The following ZC3H12B variants were observed in gnomAD, a reference collection of about 807,000 sequenced individuals.
ZC3H12B encodes probable ribonuclease ZC3H12B.
A neutral mutation model predicts 43.9 loss-of-function variants in ZC3H12B; 7 were observed. The ratio of observed to expected loss-of-function variants is 0.16; its 90% CI spans 0.09 to 0.30. The LOEUF (loss-of-function observed/expected upper bound fraction) is 0.30. ZC3H12B is among the 10% of genes least tolerant of loss of function. The probability of loss-of-function intolerance (pLI) is 1.00; values close to 1 mark genes in which losing one functional copy is unlikely to be tolerated. For missense variants in ZC3H12B, 475 were observed against 670.2 expected (o/e 0.71, Z 3.22); for synonymous variants, 222 against 241.7 (o/e 0.92, Z 0.76).
At chrX:65,155,354 C>G in the ZC3H12B span, among the ~76,000 whole-genome samples, 1 of 110,698 alleles carries the variant, frequency 9.0e-6, no homozygotes, top group African/African-American at 3.3e-5. Context: ...TATCCCCGTG[C>G]TTTGATCTGC....
At chrX:65,190,607 G>A in the ZC3H12B span, among the ~76,000 whole-genome samples, 3 of 105,883 alleles carry the variant, frequency 2.8e-5, no homozygotes, top group Non-Finnish European at 5.8e-5. Context: ...TTTGTCTGTT[G>A]TTGGTGTATA....
the ZC3H12B span, among the ~76,000 whole-genome samples, chrX:65,329,869 C>T: frequency 2.7e-5 from 3 of 110,974 alleles, no homozygotes; most frequent in East Asian, 5.7e-4. Flanking sequence ...AGATATGTGG[C>T]ATTATTTCTG....
At chrX:65,121,816 G>A in the ZC3H12B span, among the ~76,000 whole-genome samples, 1 of 110,924 alleles carries the variant, frequency 9.0e-6, no homozygotes, top group Non-Finnish European at 1.9e-5. Flanking sequence ...TGCTTTGAAT[G>A]TGTCCCAGAG....
At chrX:65,159,513 A>T in the ZC3H12B span, among the ~76,000 whole-genome samples, 2 of 110,956 alleles carry the variant, frequency 1.8e-5, no homozygotes, top group Non-Finnish European at 3.8e-5. Flanking sequence ...TAGGTATTTT[A>T]TTCTCTTTGA....
chrX:65,378,136 C>G (rs1245818915), intron 2 of ZC3H12B, among the ~76,000 whole-genome samples: 1 of 110,605 alleles, frequency 9.0e-6, no homozygotes, highest in Non-Finnish European at 1.9e-5. Flanking sequence ...ACAATACTCA[C>G]TGATAATAAT....
the ZC3H12B span, among the ~76,000 whole-genome samples, chrX:65,235,486 C>A: frequency 7.2e-5 from 8 of 111,429 alleles, no homozygotes; most frequent in East Asian, 1.7e-3. Flanking sequence ...AGCTGGAAAT[C>A]TCTCCAGCCA....
chrX:65,202,528 G>C, the ZC3H12B span, among the ~76,000 whole-genome samples: 1 of 110,009 alleles, frequency 9.1e-6, no homozygotes, highest in Non-Finnish European at 1.9e-5. Flanking sequence ...CAGAAGATGT[G>C]TCTGGGTTAC....
At chrX:65,134,664 G>A in the ZC3H12B span, among the ~76,000 whole-genome samples, 2 of 111,515 alleles carry the variant, frequency 1.8e-5, no homozygotes, top group Non-Finnish European at 3.8e-5. Flanking sequence ...TGAGGACAGA[G>A]GACCGGTCTC....
At chrX:65,380,892 A>C (rs2066428269) in intron 2 of ZC3H12B, among the ~76,000 whole-genome samples, 1 of 112,041 alleles carries the variant, frequency 8.9e-6, no homozygotes, top group Non-Finnish European at 1.9e-5. Flanking sequence ...TCAATTCAAC[A>C]AGAAGAGCTA....
the ZC3H12B span, among the ~76,000 whole-genome samples, chrX:65,352,569 G>C: frequency 5.4e-5 from 6 of 111,513 alleles, no homozygotes; most frequent in Non-Finnish European, 9.4e-5. Context: ...ATTAAATAGT[G>C]ATAATAGTTT....
At chrX:65,488,501 C>A (rs1308551302), upstream of ZC3H12B, 1 of 150,298 alleles carries the variant, frequency 6.7e-6, no homozygotes, top group Non-Finnish European at 1.3e-5. Context: ...GACTCTTTAT[C>A]TTTAATGTAA....
At chrX:65,283,305 G>A in the ZC3H12B span, among the ~76,000 whole-genome samples, 84 of 111,678 alleles carry the variant, frequency 7.5e-4, no homozygotes, top group African/African-American at 2.5e-3. Context: ...AGTAAACTAG[G>A]TATTGATGGA....
chrX:65,376,526 C>T (rs1021319630), intron 2 of ZC3H12B, among the ~76,000 whole-genome samples: 2 of 111,785 alleles, frequency 1.8e-5, no homozygotes. Context: ...GTGGTACTCA[C>T]TGGGCTGCTT....
chrX:65,111,866 T>C, the ZC3H12B span, among the ~76,000 whole-genome samples: 3 of 111,014 alleles, frequency 2.7e-5, no homozygotes, highest in Admixed American at 2.9e-4. Flanking sequence ...TTCCCTCTCG[T>C]CTTGTCTCCC....
At chrX:65,424,327 T>C (rs2067055040) in intron 3 of ZC3H12B, among the ~76,000 whole-genome samples, 1 of 112,477 alleles carries the variant, frequency 8.9e-6, no homozygotes, top group African/African-American at 3.2e-5. Context: ...TGTTCCATTC[T>C]TGTAAATTTT....
chrX:65,454,201 C>G (rs774588582), intron 3 of ZC3H12B, among the ~76,000 whole-genome samples: 1 of 112,768 alleles, frequency 8.9e-6, no homozygotes, highest in Non-Finnish European at 1.9e-5. Context: ...CATCACCTCA[C>G]CTGGGAAGCA....
intron 3 of ZC3H12B, among the ~76,000 whole-genome samples, chrX:65,451,112 T>C (rs1174093335): frequency 9.2e-6 from 1 of 108,846 alleles, no homozygotes; most frequent in Non-Finnish European, 1.9e-5. Flanking sequence ...CATGCCTGGC[T>C]AATTTTTTTG....
chrX:65,270,114 A>C, the ZC3H12B span, among the ~76,000 whole-genome samples: 1 of 111,744 alleles, frequency 8.9e-6, no homozygotes, highest in Non-Finnish European at 1.9e-5. Flanking sequence ...AGGCATCATA[A>C]TTTCTGATTT....
At chrX:65,111,520 C>A in the ZC3H12B span, among the ~76,000 whole-genome samples, 1 of 107,322 alleles carries the variant, frequency 9.3e-6, no homozygotes, top group African/African-American at 3.5e-5. Flanking sequence ...TTGCAATTTG[C>A]AAGTATTGCA....
Sources: gnomAD v4.1 joint callset for allele counts (sites outside exome capture counted in the v4.1 genomes callset) on GRCh38, gnomAD v4.1.1 for gene constraint, MANE v1.5 for transcripts, NCBI Gene and HGNC (gene_info 2026-07-23, HGNC 2026-07-21) for gene names.